The following TLCD2 variants were observed in gnomAD, a reference collection of about 807,000 sequenced individuals.
The protein encoded by TLCD2 is TLC domain-containing protein 2.
A neutral mutation model predicts 14.0 loss-of-function variants in TLCD2; 12 were observed. The ratio of observed to expected loss-of-function variants is 0.86; its 90% CI spans 0.55 to 1.39. The LOEUF (loss-of-function observed/expected upper bound fraction) is 1.39, where lower values mean the gene tolerates loss of function less well. TLCD2 is among the 40% of genes most tolerant of loss of function. TLCD2 has a pLI of 0.00. For missense variants in TLCD2, 360 were observed against 346.8 expected (o/e 1.04, Z -0.30); for synonymous variants, 166 against 156.5 (o/e 1.06, Z -0.45).
chr17:1,703,828 C>T lies in TLCD2; in HGVS notation c.*3942G>A, dbSNP rs1662301984. 6.6e-6 allele frequency: 1 copy of T among 152,082 alleles called. No homozygotes were observed. Among genetic ancestry groups the T allele is most frequent in the Admixed American group, 6.6e-5 (1 of 15,258 alleles). 9.4% of individuals were successfully genotyped at this position (152,082 alleles called of 1,614,324 possible). Reference sequence around the variant, plus strand: ...TTCCTCACATGAGTTTGTCATATTTCTTTTTCTTTAAAAACTCAAGGCAGA... The same window carrying T: ...TTCCTCACATGAGTTTGTCATATTTTTTTTTCTTTAAAAACTCAAGGCAGA... On this transcript the variant is annotated 3_prime_UTR_variant, in exon 4 of 4. Transcript: ENST00000330676.
rs1470174602 is a variant in TLCD2, at chr17:1,710,358, G to A, written c.-116C>T. On this transcript the variant is annotated 5_prime_UTR_variant, in exon 1 of 4. Coordinates refer to ENST00000330676, the MANE Select transcript of TLCD2 (RefSeq NM_001164407.2). This position sits in a 1 kb window ranked among gnomAD's most constrained non-coding sequence, Gnocchi z 6.1. ...GGCTGGGGCCCCGGCTCCCCTCCCC[G>A]CCGCGCCTTTGGGATCAGCAGGAAC... 5.7e-6 allele frequency: 5 copies of A among 884,604 alleles called. No individual in the cohort carries two copies. The East Asian group carries it at 1.6e-4, about 28-fold the overall frequency. The allele number at this position is 884,604 out of a possible 1,614,324, so 54.8% of individuals were successfully genotyped here.
rs368338688 is a variant in TLCD2 at position 1,708,071 on chromosome 17, G to A, written c.494C>T (p.Thr165Ile). Reference sequence around the variant, plus strand: ...CAAGGTGGCCAAGGAGGCCCAGCTGGTCACGCTGAAGGCCAGGGATGGGGC... The same window carrying A: ...CAAGGTGGCCAAGGAGGCCCAGCTGATCACGCTGAAGGCCAGGGATGGGGC... ...RQAPSLAFSV[T>I]SWASLATLAL... The change falls in exon 4 of 4, where the codon ACC (threonine) becomes ATC (isoleucine). Residue 165 changes from threonine (T) to isoleucine (I), a missense_variant. By Grantham distance (89) the Thr-to-Ile change is moderately conservative. Coordinates refer to ENST00000330676, the MANE Select transcript of TLCD2 (RefSeq NM_001164407.2). The A allele has an allele frequency of 6.5e-7, 1 of 1,537,112 alleles. No homozygotes were observed. Among genetic ancestry groups the A allele is most frequent in the African/African-American group, 1.4e-5 (1 of 73,064 alleles).
rs541903193 is a variant in TLCD2, at chr17:1,709,117, G to A, written c.342+382C>T. On this transcript the variant is annotated intron_variant, in intron 3 of 3. Transcript: ENST00000330676. ...GCAAAATGAAGAGAGGGCCGGGGGCGGTGGCTCATGCTTGTAATCCCAGCA... is the reference window on the plus strand; with the variant it reads ...GCAAAATGAAGAGAGGGCCGGGGGCAGTGGCTCATGCTTGTAATCCCAGCA... 7.2e-5 allele frequency among the ~76,000 whole-genome samples: 11 copies of A among 152,230 alleles called. No homozygotes were observed. In the East Asian group the frequency reaches 9.7e-4, roughly 13 times the overall value.
chr17:1,704,611 G>A lies in TLCD2; in HGVS notation c.*3159C>T, dbSNP rs1597264134. 4 of 151,696 alleles carry A rather than the reference G, an allele frequency of 2.6e-5. No individual in the cohort carries two copies. In the Admixed American group the frequency reaches 2.6e-4, roughly 10 times the overall value. The allele number at this position is 151,696 out of a possible 1,614,324, so 9.4% of individuals were successfully genotyped here. On this transcript the variant is annotated 3_prime_UTR_variant, in exon 4 of 4. Transcript: ENST00000330676. Reference sequence around the variant, plus strand: ...CCTGTTTTTATGACTCTATGATGGAGACTTCTCACAATCCCTCTCATTTTT... The same window carrying A: ...CCTGTTTTTATGACTCTATGATGGAAACTTCTCACAATCCCTCTCATTTTT...
At position 1,707,502 on chromosome 17, in the gene TLCD2, C is replaced by G. The variant is rs1206672837; in HGVS notation, c.*268G>C. 2 of 456,686 alleles carry G rather than the reference C, an allele frequency of 4.4e-6. No homozygotes were observed. The highest frequency in any genetic ancestry group is 7.7e-6 in the Non-Finnish European group (2 of 259,162). 28.3% of individuals were successfully genotyped at this position (456,686 alleles called of 1,614,324 possible). ...GCCTCCTGCCACCCTTTACTGATAG[C>G]TCTAGCTGTACCTCTTGAGTTTATT... is the stretch of plus-strand genomic sequence containing the variant. On this transcript the variant is annotated 3_prime_UTR_variant, in exon 4 of 4. Coordinates refer to ENST00000330676, the MANE Select transcript of TLCD2 (RefSeq NM_001164407.2).
At position 1,703,764 on chromosome 17, in the gene TLCD2, T is replaced by C. The variant is rs1913945535; in HGVS notation, c.*4006A>G. The C allele has an allele frequency of 6.6e-6, 1 of 152,202 alleles. No individual in the cohort carries two copies. Among genetic ancestry groups the C allele is most frequent in the African/African-American group, 2.4e-5 (1 of 41,448 alleles). The allele number at this position is 152,202 out of a possible 1,614,324, so 9.4% of individuals were successfully genotyped here. On this transcript the variant is annotated 3_prime_UTR_variant, in exon 4 of 4. Transcript: ENST00000330676. Reference sequence around the variant, plus strand: ...CAAAGAAAAGGTGTATGACTTAGAATCAATTCATATCAACCTCAACAGATA... The same window carrying C: ...CAAAGAAAAGGTGTATGACTTAGAACCAATTCATATCAACCTCAACAGATA...
chr17:1,708,193 C>T lies in TLCD2; in HGVS notation c.372G>A (p.Leu124=). ...VVVSCLSTAV[L]SGHYVGFSMV... is the part of the protein sequence containing the mutation. ...TGGAGAAGCCCACGTAGTGGCCAGA[C>T]AGAACAGCGGTGCTGAGGCAGCTCA... Residue 124 remains leucine (L), a synonymous_variant, in exon 4 of 4, where the codon CTG becomes CTA. Transcript: ENST00000330676. 1.3e-6 allele frequency: 2 copies of T among 1,534,828 alleles called. No individual in the cohort carries two copies. The highest frequency in any genetic ancestry group is 1.7e-6 in the Non-Finnish European group (2 of 1,146,020).
At chr17:1,709,218 G>A (rs908895343) in intron 3 of TLCD2, among the ~76,000 whole-genome samples, 12 of 151,926 alleles carry the variant, frequency 7.9e-5, no homozygotes, top group Non-Finnish European at 1.5e-4. Flanking sequence ...GAGAAACCCC[G>A]TCTTTACTAA....
chr17:1,704,058 C>G lies in TLCD2; in HGVS notation c.*3712G>C, dbSNP rs1567703695. On this transcript the variant is annotated 3_prime_UTR_variant, in exon 4 of 4. Coordinates refer to ENST00000330676, the MANE Select transcript of TLCD2 (RefSeq NM_001164407.2). ...TGGCCAATATGGTGAAATCCTGTCTCTACTAAAAACACAAAAATTAGCCGA... is the reference window on the plus strand; with the variant it reads ...TGGCCAATATGGTGAAATCCTGTCTGTACTAAAAACACAAAAATTAGCCGA... The G allele has an allele frequency of 6.6e-6, 1 of 151,540 alleles. No individual in the cohort carries two copies. The highest frequency in any genetic ancestry group is 2.4e-5 in the African/African-American group (1 of 41,292). 9.4% of individuals were successfully genotyped at this position (151,540 alleles called of 1,614,324 possible).
chr17:1,707,631 G>C lies in TLCD2; in HGVS notation c.*139C>G, dbSNP rs1339477559. 1.5e-6 allele frequency: 1 copy of C among 665,870 alleles called. No individual in the cohort carries two copies. The highest frequency in any genetic ancestry group is 1.8e-5 in the African/African-American group (1 of 54,886). The allele number at this position is 665,870 out of a possible 1,614,324, so 41.2% of individuals were successfully genotyped here. A position where few individuals can be genotyped will look rare whatever the true frequency, so the allele number is the denominator to read the frequency against. ...CTTCTTAGATCCGAGGAAGGGGAAG[G>C]GATGTGAGTTAGCTGGAAGAGAAAC... On this transcript the variant is annotated 3_prime_UTR_variant, in exon 4 of 4. Coordinates refer to ENST00000330676, the MANE Select transcript of TLCD2 (RefSeq NM_001164407.2).
chr17:1,708,311 C>T lies in TLCD2; in HGVS notation c.343-89G>A, dbSNP rs531262391. ...CCAGGCCTGAAGAAAGAGGCTTCCA[C>T]GCAGTCTGTGGGGCTCCCCAAACAC... On this transcript the variant is annotated intron_variant, in intron 3 of 3. Coordinates refer to ENST00000330676, the MANE Select transcript of TLCD2 (RefSeq NM_001164407.2). 1.4e-4 allele frequency: 150 copies of T among 1,065,048 alleles called. 1 individual carries two copies. Among genetic ancestry groups the T allele is most frequent in the South Asian group, 9.4e-4 (57 of 60,860 alleles). 66.0% of individuals were successfully genotyped at this position (1,065,048 alleles called of 1,614,324 possible). A position where few individuals can be genotyped will look rare whatever the true frequency, so the allele number is the denominator to read the frequency against.
At position 1,705,985 on chromosome 17, in the gene TLCD2, T is replaced by TTC. The variant is rs1305986256; in HGVS notation, c.*1784_*1785insGA. 8.0e-6 allele frequency: 1 copy of TTC among 124,900 alleles called. No individual in the cohort carries two copies. The highest frequency in any genetic ancestry group is 1.7e-5 in the Non-Finnish European group (1 of 60,388). 7.7% of individuals were successfully genotyped at this position (124,900 alleles called of 1,614,324 possible). A position where few individuals can be genotyped will look rare whatever the true frequency, so the allele number is the denominator to read the frequency against. ...GTCCCAGCTCTTCCTTTTTTTTTTT[T>TTC]CTTTAGAGACAAGAGTCTCACTCTG... On this transcript the variant is annotated 3_prime_UTR_variant, in exon 4 of 4. Coordinates refer to ENST00000330676, the MANE Select transcript of TLCD2 (RefSeq NM_001164407.2).
chr17:1,708,786 G>A (rs906568540), intron 3 of TLCD2, among the ~76,000 whole-genome samples: 7 of 152,106 alleles, frequency 4.6e-5, no homozygotes, highest in African/African-American at 1.2e-4. Context: ...CCTGGCCTAG[G>A]GCTTTCATGC....
In TLCD2 at chr17:1,706,670, G is replaced by A. The variant is rs1914043038; in HGVS notation, c.*1100C>T. On this transcript the variant is annotated 3_prime_UTR_variant, in exon 4 of 4. Coordinates refer to ENST00000330676, the MANE Select transcript of TLCD2 (RefSeq NM_001164407.2). ...TAGTCCCAGCTACTTGGGAGGCTGAGGTGGGAGGCAGGAGAATTGCTTGAG... is the reference window on the plus strand; with the variant it reads ...TAGTCCCAGCTACTTGGGAGGCTGAAGTGGGAGGCAGGAGAATTGCTTGAG... 1.3e-5 allele frequency: 2 copies of A among 151,380 alleles called. No individual in the cohort carries two copies. Among genetic ancestry groups the A allele is most frequent in the Non-Finnish European group, 2.9e-5 (2 of 67,940 alleles). The allele number at this position is 151,380 out of a possible 1,614,324, so 9.4% of individuals were successfully genotyped here. A position where few individuals can be genotyped will look rare whatever the true frequency, so the allele number is the denominator to read the frequency against.
intron 3 of TLCD2, among the ~76,000 whole-genome samples, chr17:1,708,818 A>G (rs1490146547): frequency 2.0e-5 from 3 of 152,122 alleles, no homozygotes; most frequent in Non-Finnish European, 4.4e-5. Flanking sequence ...ACCCTATACC[A>G]GGACACCCCC....
chr17:1,708,445 T>C (rs553782657), intron 3 of TLCD2, among the ~76,000 whole-genome samples: 6 of 145,846 alleles, frequency 4.1e-5, no homozygotes, highest in African/African-American at 1.5e-4. Flanking sequence ...CACCCCCTAA[T>C]ACCCCCTTAA....
chr17:1,709,705 G>A (rs1914158432), intron 2 of TLCD2, 99 bp downstream of exon 2: 3 of 1,061,106 alleles, frequency 2.8e-6, no homozygotes, highest in East Asian at 3.7e-5. Context: ...CTTCAGGAAC[G>A]TTTAACCCCC....
chr17:1,709,681 T>C (rs1040215378), intron 2 of TLCD2, 100 bp from the exon 3 acceptor site: 1 of 1,269,774 alleles, frequency 7.9e-7, no homozygotes, highest in Admixed American at 2.0e-5. Context: ...TTCTTAGTTT[T>C]CCCTTGGTAA....
intron 3 of TLCD2, among the ~76,000 whole-genome samples, chr17:1,708,516 C>T (rs1465520906): frequency 3.9e-5 from 5 of 128,840 alleles, no homozygotes; most frequent in South Asian, 5.7e-4. Flanking sequence ...GAGACAGACT[C>T]TCACTCTGCC....
Sources: gnomAD v4.1 joint callset for allele counts (sites outside exome capture counted in the v4.1 genomes callset) on GRCh38, gnomAD v4.1.1 for gene constraint, Gnocchi (gnomAD v3.1) non-coding constraint, MANE v1.5 for transcripts, NCBI Gene and HGNC (gene_info 2026-07-23, HGNC 2026-07-21) for gene names.